Variants in CC2D2B observed in about 807,000 individuals in gnomAD.
The protein encoded by CC2D2B is coiled-coil and C2 domain containing 2B.
CC2D2B carries 128 observed loss-of-function variants against 161.2 expected under a neutral mutation model. That is an observed-to-expected ratio of 0.79 (90% CI 0.69 to 0.92). The LOEUF (loss-of-function observed/expected upper bound fraction) is 0.92. Ranked by LOEUF, CC2D2B falls within the 40% of genes least tolerant of loss-of-function variation. The pLI, the probability that CC2D2B is intolerant of heterozygous loss-of-function variation, is 0.00. For synonymous variants in CC2D2B, 391 were observed against 449.8 expected, an observed-to-expected ratio of 0.87 and a Z score of 1.65; for missense variants, 1,173 against 1,375.1, an observed-to-expected ratio of 0.85 and a Z score of 2.32.
chr10:95,958,677 T>C (rs1231514527), intron 11 of CC2D2B, among the ~76,000 whole-genome samples: 3 of 151,870 alleles, frequency 2.0e-5, no homozygotes, highest in Non-Finnish European at 4.4e-5. Flanking sequence ...ATCTTGTAGA[T>C]AGGACAATGT....
At chr10:96,005,620 G>C (rs1168010756) in intron 25 of CC2D2B, among the ~76,000 whole-genome samples, 2 of 151,948 alleles carry the variant, frequency 1.3e-5, no homozygotes, top group Non-Finnish European at 2.9e-5. Context: ...GCTATCAACT[G>C]TTTTCTTACT....
chr10:96,015,363 C>A (rs544844839), intron 29 of CC2D2B, among the ~76,000 whole-genome samples: 31 of 151,570 alleles, frequency 2.0e-4, no homozygotes, highest in African/African-American at 6.5e-4. Flanking sequence ...AAGCATGAGC[C>A]ACCGCGCCTG....
In CC2D2B at chr10:95,965,938, A is replaced by G. The variant is rs2076926258; in HGVS notation, c.1293A>G (p.Glu431=). Residue 431 remains glutamate (E), a synonymous_variant, in exon 13 of 35, where the codon GAA becomes GAG. Coordinates refer to ENST00000646931, the MANE Select transcript of CC2D2B (RefSeq NM_001349008.3). The part of the protein sequence containing the change: ...NKCDEQEQIS[E]MSETEKKNEG... ...GTGATGAACAAGAGCAAATCTCAGA[A>G]ATGTCTGAAACTGAGAAGAAAAATG... 2 of 1,218,394 alleles carry G rather than the reference A, an allele frequency of 1.6e-6. No individual in the cohort carries two copies. The highest frequency in any genetic ancestry group is 2.0e-6 in the Non-Finnish European group (2 of 975,884). 75.5% of individuals were successfully genotyped at this position (1,218,394 alleles called of 1,614,324 possible). A position where few individuals can be genotyped will look rare whatever the true frequency, so the allele number is the denominator to read the frequency against.
At chr10:95,987,542 T>C (rs2141637286) in intron 19 of CC2D2B, among the ~76,000 whole-genome samples, 1 of 152,270 alleles carries the variant, frequency 6.6e-6, no homozygotes, top group South Asian at 2.1e-4. Flanking sequence ...ATCTATAATA[T>C]AAAATCATTT....
At chr10:95,913,467 C>T in intron 2 of CC2D2B, 1 of 406,166 alleles carries the variant, frequency 2.5e-6, no homozygotes, top group Non-Finnish European at 4.8e-6. Context: ...ATTTTCTTTC[C>T]TTTGAGTATA....
intron 24 of CC2D2B, among the ~76,000 whole-genome samples, chr10:95,997,404 T>A (rs972546207): frequency 5.3e-5 from 8 of 152,276 alleles, no homozygotes; most frequent in Admixed American, 1.3e-4. Context: ...CTTTTTTTTT[T>A]AATTAGGACA....
intron 34 of CC2D2B, among the ~76,000 whole-genome samples, chr10:96,029,704 T>C (rs2079983410): frequency 6.6e-6 from 1 of 152,110 alleles, no homozygotes; most frequent in Non-Finnish European, 1.5e-5. Context: ...AATACCATAG[T>C]CTTTGCATAT....
intron 6 of CC2D2B, among the ~76,000 whole-genome samples, chr10:95,933,487 T>C (rs2075686414): frequency 6.6e-6 from 1 of 152,222 alleles, no homozygotes; most frequent in Non-Finnish European, 1.5e-5. Flanking sequence ...ATTTTCAGCC[T>C]TTTTCTGCTG....
intron 24 of CC2D2B, among the ~76,000 whole-genome samples, chr10:96,001,380 A>G (rs2078488113): frequency 6.6e-6 from 1 of 152,080 alleles, no homozygotes; most frequent in Admixed American, 6.5e-5. Context: ...TTTATTTTCT[A>G]TAATTTCCTA....
chr10:96,008,118 G>A (rs970063597), intron 25 of CC2D2B, among the ~76,000 whole-genome samples: 6 of 142,864 alleles, frequency 4.2e-5, no homozygotes, highest in South Asian at 2.2e-4. Flanking sequence ...TGTCACTATC[G>A]TTTCTATTTT....
At chr10:95,910,167 CA>C (rs1309115600) in intron 1 of CC2D2B, among the ~76,000 whole-genome samples, 1 of 152,100 alleles carries the variant, frequency 6.6e-6, no homozygotes. Flanking sequence ...AAAAAACAAA[CA>C]GATAAACAAA....
chr10:95,955,238 G>A (rs549199788), intron 10 of CC2D2B, among the ~76,000 whole-genome samples, 156 bp from the exon 11 acceptor site: 1 of 151,796 alleles, frequency 6.6e-6, no homozygotes, highest in African/African-American at 2.4e-5. Context: ...CCTCCCCAAG[G>A]TGCTTATATA....
At chr10:95,947,084 T>A (rs189033268) in intron 9 of CC2D2B, among the ~76,000 whole-genome samples, 1,546 of 29,536 alleles carry the variant, frequency 0.052, 66 homozygotes, top group African/African-American at 0.14. Flanking sequence ...GACTCAAAAA[T>A]ATATATATAT....
chr10:95,992,893 G>A, intron 22 of CC2D2B, 196 bp downstream of exon 22: 4 of 379,522 alleles, frequency 1.1e-5, no homozygotes, highest in African/African-American at 8.3e-5. Context: ...TGAGGTTCGA[G>A]ATTCCCAGAG....
chr10:95,926,009 G>A (rs1439065890), intron 5 of CC2D2B, among the ~76,000 whole-genome samples: 1 of 151,768 alleles, frequency 6.6e-6, no homozygotes, highest in Non-Finnish European at 1.5e-5. Context: ...TAAAATGCAA[G>A]GTTTTTTTTT....
At chr10:96,000,012 C>A in intron 24 of CC2D2B, 2 of 1,258,634 alleles carry the variant, frequency 1.6e-6, no homozygotes, top group Non-Finnish European at 1.1e-6. Context: ...TCTTGCCCTT[C>A]TTTGTTTACA....
chr10:95,961,696 T>C, intron 11 of CC2D2B, 133 bp from the exon 12 acceptor site: 1 of 416,068 alleles, frequency 2.4e-6, no homozygotes, highest in Non-Finnish European at 4.1e-6. Context: ...GGCGTTCAGA[T>C]GTGTATAAAA....
At chr10:96,025,173 AT>A (rs2079668042) in intron 33 of CC2D2B, among the ~76,000 whole-genome samples, 18 of 27,454 alleles carry the variant, frequency 6.6e-4, no homozygotes, top group East Asian at 2.3e-3. Context: ...ATATATATAT[AT>A]ATATATATAT....
intron 17 of CC2D2B, among the ~76,000 whole-genome samples, chr10:95,974,411 G>T (rs1318443133): frequency 6.6e-6 from 1 of 152,166 alleles, no homozygotes; most frequent in African/African-American, 2.4e-5. Context: ...CTCACTTGTA[G>T]GCAAAGGTCA....
Sources: gnomAD v4.1 joint callset for allele counts (sites outside exome capture counted in the v4.1 genomes callset) on GRCh38, gnomAD v4.1.1 for gene constraint, MANE v1.5 for transcripts, NCBI Gene and HGNC (gene_info 2026-07-23, HGNC 2026-07-21) for gene names.